The following MGMT variants were observed in gnomAD, a reference collection of about 807,000 sequenced individuals.
The protein encoded by MGMT is O-6-methylguanine-DNA methyltransferase.
Under a neutral mutation model 15.9 loss-of-function variants are expected in MGMT, and 14 were observed. The observed-to-expected ratio is 0.88, with a 90% CI of 0.58 to 1.37. The LOEUF (loss-of-function observed/expected upper bound fraction) is 1.37. MGMT is among the 40% of genes most tolerant of loss of function. The probability of loss-of-function intolerance (pLI) is 0.00; values close to 1 mark genes in which losing one functional copy is unlikely to be tolerated. For synonymous variants in MGMT, 130 were observed against 118.2 expected, an observed-to-expected ratio of 1.10 and a Z score of -0.65; for missense variants, 282 against 268.1, an observed-to-expected ratio of 1.05 and a Z score of -0.36.
chr10:129,501,059 C>CA (rs1407047558), intron 1 of MGMT, among the ~76,000 whole-genome samples: 6 of 152,212 alleles, frequency 3.9e-5, no homozygotes, highest in Non-Finnish European at 8.8e-5. Context: ...TTCCTGGTGT[C>CA]AGAGTCCACT....
intron 1 of MGMT, among the ~76,000 whole-genome samples, chr10:129,475,410 C>T (rs551665969): frequency 1.2e-4 from 19 of 152,216 alleles, no homozygotes; most frequent in Middle Eastern, 3.4e-3. Context: ...GCGTGAGGCA[C>T]GGCGGATGCT....
chr10:129,591,445 C>T (rs1315425634), intron 2 of MGMT, among the ~76,000 whole-genome samples: 4 of 152,152 alleles, frequency 2.6e-5, no homozygotes, highest in African/African-American at 9.7e-5. Context: ...CTGGGTCTTC[C>T]AAGACCGCAC....
chr10:129,661,309 G>A (rs1210110780), intron 2 of MGMT, among the ~76,000 whole-genome samples: 1 of 151,978 alleles, frequency 6.6e-6, no homozygotes, highest in African/African-American at 2.4e-5. Context: ...GTCTAGGAGA[G>A]GAATTGTTTG....
chr10:129,675,604 C>A (rs948765683), intron 2 of MGMT, among the ~76,000 whole-genome samples: 1 of 152,008 alleles, frequency 6.6e-6, no homozygotes, highest in African/African-American at 2.4e-5. Flanking sequence ...CAACCTTGGG[C>A]CTGCTCTTGT....
chr10:129,652,137 A>G (rs1847465960), intron 2 of MGMT, among the ~76,000 whole-genome samples: 2 of 152,182 alleles, frequency 1.3e-5, no homozygotes, highest in African/African-American at 2.4e-5. Flanking sequence ...TTATGAAACC[A>G]GGACTGAAGA....
intron 3 of MGMT, among the ~76,000 whole-genome samples, chr10:129,708,355 A>G (rs1031843872): frequency 2.0e-5 from 3 of 152,220 alleles, no homozygotes; most frequent in African/African-American, 7.2e-5. Context: ...AAATTTTTCA[A>G]TAAGCTTATT....
chr10:129,628,244 C>G (rs1437077236), intron 2 of MGMT, among the ~76,000 whole-genome samples: 1 of 152,144 alleles, frequency 6.6e-6, no homozygotes, highest in Admixed American at 6.5e-5. Context: ...ATGGAACTTG[C>G]TTCTGTGGAA....
At chr10:129,751,929 G>C (rs1195892300) in intron 3 of MGMT, among the ~76,000 whole-genome samples, 2 of 151,942 alleles carry the variant, frequency 1.3e-5, no homozygotes, top group African/African-American at 4.8e-5. Context: ...GAAGAATATG[G>C]CATATCTTTG....
intron 2 of MGMT, among the ~76,000 whole-genome samples, chr10:129,551,203 C>T (rs1258451783): frequency 6.6e-6 from 1 of 152,222 alleles, no homozygotes; most frequent in Admixed American, 6.5e-5. Flanking sequence ...CAAGTACATG[C>T]AAAGTGCACT....
intron 2 of MGMT, among the ~76,000 whole-genome samples, chr10:129,647,309 C>T (rs1442979444): frequency 6.6e-6 from 1 of 152,008 alleles, no homozygotes; most frequent in African/African-American, 2.4e-5. Context: ...GCACATTCGA[C>T]GCTCAAGTGT....
chr10:129,571,896 C>A (rs772020033), intron 2 of MGMT, among the ~76,000 whole-genome samples: 13 of 152,162 alleles, frequency 8.5e-5, no homozygotes, highest in African/African-American at 2.9e-4. Flanking sequence ...TTCATGCATG[C>A]AAGAATCGTT....
intron 3 of MGMT, among the ~76,000 whole-genome samples, chr10:129,715,854 C>T (rs2133149548): frequency 6.6e-6 from 1 of 152,296 alleles, no homozygotes; most frequent in Admixed American, 6.5e-5. Flanking sequence ...GCCTGCAATC[C>T]TTATGTTCAG....
Position 129,767,157 on chromosome 10 carries a change from C to T in MGMT, c.*160C>T, listed in dbSNP as rs1204251338. On this transcript the variant is annotated 3_prime_UTR_variant, in exon 5 of 5. Transcript: ENST00000651593. Reference sequence around the variant, plus strand: ...TATTTTACAGCAGGATGAGTTCAGACGCCCGCGGTCCTGCACACATTTGTT... The same window carrying T: ...TATTTTACAGCAGGATGAGTTCAGATGCCCGCGGTCCTGCACACATTTGTT... 3.8e-5 allele frequency: 24 copies of T among 627,852 alleles called. No homozygotes were observed. The highest frequency in any genetic ancestry group is 6.2e-5 in the South Asian group (3 of 48,342). The allele number at this position is 627,852 out of a possible 1,614,324, so 38.9% of individuals were successfully genotyped here.
Position 129,770,718 on chromosome 10 carries a change from T to C in MGMT, c.*3721T>C, listed in dbSNP as rs1848990809. ...TGTATGAGCAAGGGGGAAAGTGTTTTATTTTACTAGGAAGATTTTACTGAA... is the reference window on the plus strand; with the variant it reads ...TGTATGAGCAAGGGGGAAAGTGTTTCATTTTACTAGGAAGATTTTACTGAA... On this transcript the variant is annotated 3_prime_UTR_variant, in exon 5 of 5. Transcript: ENST00000651593. 6.6e-6 allele frequency among the ~76,000 whole-genome samples: 1 copy of C among 152,220 alleles called. No individual in the cohort carries two copies. Among genetic ancestry groups the C allele is most frequent in the Non-Finnish European group, 1.5e-5 (1 of 68,048 alleles).
chr10:129,547,365 C>T (rs1022840528), intron 2 of MGMT, among the ~76,000 whole-genome samples: 41 of 152,182 alleles, frequency 2.7e-4, no homozygotes, highest in African/African-American at 9.9e-4. Context: ...CACCTCCCCC[C>T]TTTCCTCCTG....
At position 129,525,276 on chromosome 10, in the gene MGMT, C is replaced by T. The variant is rs117759427; in HGVS notation, c.-12-10965C>T. Among the ~76,000 whole-genome samples the T allele has an allele frequency of 4.2e-3, 640 of 152,236 alleles. 3 individuals are homozygous for T. The highest frequency in any genetic ancestry group is 7.3e-3 in the Non-Finnish European group (498 of 68,026). ...CATATATGTACCAAAGAGAAGAGTT[C>T]AGAAAAGAAAACCAGATTTTATTTT... On this transcript the variant is annotated intron_variant, in intron 1 of 4. Coordinates refer to ENST00000651593, the MANE Select transcript of MGMT (RefSeq NM_002412.5).
chr10:129,761,302 C>T (rs760258943), intron 4 of MGMT, among the ~76,000 whole-genome samples: 1 of 152,206 alleles, frequency 6.6e-6, no homozygotes, highest in Admixed American at 6.5e-5. Flanking sequence ...CTGCTCCCTC[C>T]GTGCACACAC....
At chr10:129,643,118 G>A (rs1294211210) in intron 2 of MGMT, among the ~76,000 whole-genome samples, 2 of 152,048 alleles carry the variant, frequency 1.3e-5, no homozygotes, top group Non-Finnish European at 2.9e-5. Flanking sequence ...ACCAAATGCC[G>A]CTGTCATGTT....
intron 2 of MGMT, among the ~76,000 whole-genome samples, chr10:129,693,434 G>A (rs549761390): frequency 1.2e-4 from 19 of 152,166 alleles, no homozygotes; most frequent in South Asian, 1.2e-3. Flanking sequence ...AAGTTACCCC[G>A]GTCTAAGCTA....
Sources: gnomAD v4.1 joint callset for allele counts (sites outside exome capture counted in the v4.1 genomes callset) on GRCh38, gnomAD v4.1.1 for gene constraint, MANE v1.5 for transcripts, NCBI Gene and HGNC (gene_info 2026-07-23, HGNC 2026-07-21) for gene names.